Variants in RFX4 observed in about 807,000 individuals in gnomAD.
RFX4 encodes transcription factor RFX4.
RFX4 carries 10 observed loss-of-function variants against 95.0 expected under a neutral mutation model. The ratio of observed to expected loss-of-function variants is 0.11; its 90% CI spans 0.06 to 0.18. The LOEUF is 0.18. RFX4 is among the 10% of genes least tolerant of loss of function. The pLI, the probability that RFX4 is intolerant of heterozygous loss-of-function variation, is 1.00. For missense variants in RFX4, 640 were observed against 922.0 expected (o/e 0.69, Z 3.96); for synonymous variants, 321 against 340.7 (o/e 0.94, Z 0.64).
intron 17 of RFX4, among the ~76,000 whole-genome samples, chr12:106,757,270 C>T (rs191480988): frequency 1.6e-3 from 244 of 152,302 alleles, no homozygotes; most frequent in Admixed American, 4.6e-3. Flanking sequence ...TGGTGGCTCA[C>T]ACTTGTAATC....
chr12:106,619,272 G>A (rs1210067345), intron 2 of RFX4, among the ~76,000 whole-genome samples: 1 of 151,984 alleles, frequency 6.6e-6, no homozygotes, highest in Non-Finnish European at 1.5e-5. Flanking sequence ...ATCATACTGT[G>A]TAGTATACTG....
rs748685914 is a variant in RFX4 at position 106,750,807 on chromosome 12, C to G, written c.1935+14C>G. ...AGCTCTGCACAGGTGAGTCAGTGGT[C>G]CTGGTTTCTTGGCCAGGCCTTGGTA... On this transcript the variant is annotated intron_variant, in intron 17 of 17. Transcript: ENST00000392842. 1.3e-6 allele frequency: 2 copies of G among 1,533,450 alleles called. No homozygotes were observed. The highest frequency in any genetic ancestry group is 2.6e-5 in the South Asian group (2 of 75,972). 95.0% of individuals were successfully genotyped at this position (1,533,450 alleles called of 1,614,324 possible).
At chr12:106,700,588 AGT>A (rs2137464116) in intron 8 of RFX4, among the ~76,000 whole-genome samples, 1 of 150,942 alleles carries the variant, frequency 6.6e-6, no homozygotes, top group African/African-American at 2.4e-5. Context: ...TTGTATTTTT[AGT>A]AGAGACGGGG....
chr12:106,628,804 G>A (rs2040357465), intron 2 of RFX4, among the ~76,000 whole-genome samples: 1 of 145,966 alleles, frequency 6.9e-6, no homozygotes, highest in Non-Finnish European at 1.5e-5. Flanking sequence ...CTCTGTCACA[G>A]GCTGGAATGC....
At chr12:106,640,906 T>C (rs1308560277) in intron 3 of RFX4, among the ~76,000 whole-genome samples, 3 of 150,426 alleles carry the variant, frequency 2.0e-5, no homozygotes, top group Non-Finnish European at 4.4e-5. Context: ...TCAGCCTCCC[T>C]ACTAGCTGGG....
At chr12:106,703,172 C>T (rs1047495035) in intron 8 of RFX4, among the ~76,000 whole-genome samples, 1 of 152,170 alleles carries the variant, frequency 6.6e-6, no homozygotes, top group African/African-American at 2.4e-5. Flanking sequence ...ATTGGAGGTG[C>T]CTTTCTTTCC....
chr12:106,710,928 C>A (rs1180464010), intron 9 of RFX4, among the ~76,000 whole-genome samples: 1 of 152,178 alleles, frequency 6.6e-6, no homozygotes, highest in Non-Finnish European at 1.5e-5. Flanking sequence ...AACATGCAAA[C>A]AGGTCATGGA....
At chr12:106,736,330 A>T (rs1444927157) in intron 15 of RFX4, among the ~76,000 whole-genome samples, 1 of 152,134 alleles carries the variant, frequency 6.6e-6, no homozygotes. Flanking sequence ...TATCTCTTGG[A>T]AACTTATTAG....
At chr12:106,679,015 G>A (rs971666632) in intron 4 of RFX4, among the ~76,000 whole-genome samples, 3 of 152,074 alleles carry the variant, frequency 2.0e-5, no homozygotes, top group Non-Finnish European at 4.4e-5. Context: ...GTACTTTATG[G>A]CTTCCTATGT....
At chr12:106,643,921 C>A (rs1232342535) in intron 3 of RFX4, among the ~76,000 whole-genome samples, 1 of 152,150 alleles carries the variant, frequency 6.6e-6, no homozygotes, top group East Asian at 1.9e-4. Flanking sequence ...CATGTGTGCA[C>A]TTGTGTGTAT....
At position 106,686,835 on chromosome 12, in the gene RFX4, CTCTCT is replaced by C. The variant is rs764343746; in HGVS notation, c.378-47_378-43del. 8.2e-4 allele frequency: 1,237 copies of C among 1,509,262 alleles called. 3 individuals are homozygous for C. The African/African-American group carries it at 0.019, about 23-fold the overall frequency. 93.5% of individuals were successfully genotyped at this position (1,509,262 alleles called of 1,614,324 possible). A position where few individuals can be genotyped will look rare whatever the true frequency, so the allele number is the denominator to read the frequency against. On this transcript the variant is annotated intron_variant, in intron 5 of 17. Coordinates refer to ENST00000392842, the MANE Select transcript of RFX4 (RefSeq NM_213594.3). Reference sequence around the variant, plus strand: ...ACTTAATAACAGTGCATGTGGGTCTCTCTCTTTTTTTTTTTTTCTCTCTCTCCCTC... The same window carrying C: ...ACTTAATAACAGTGCATGTGGGTCTCTTTTTTTTTTTTCTCTCTCTCCCTC...
intron 4 of RFX4, among the ~76,000 whole-genome samples, chr12:106,658,283 T>C (rs997104761): frequency 7.9e-5 from 12 of 152,300 alleles, no homozygotes; most frequent in Middle Eastern, 3.4e-3. Flanking sequence ...AATGAACTTA[T>C]TGAGGTACAC....
At position 106,709,093 on chromosome 12, in the gene RFX4, ACCAAG is replaced by A. The variant is rs528891825; in HGVS notation, c.834-234_834-230del. On this transcript the variant is annotated intron_variant, in intron 8 of 17. Coordinates refer to ENST00000392842, the MANE Select transcript of RFX4 (RefSeq NM_213594.3). ...TTGCATCTAAATAGTTCTGGATGCC[ACCAAG>A]CCTTGCAGTGGCCATCAGTGACCAG... Among the ~76,000 whole-genome samples the A allele has an allele frequency of 1.9e-3, 297 of 152,308 alleles. 4 individuals carry two copies. Among genetic ancestry groups the A allele is most frequent in the African/African-American group, 6.8e-3 (282 of 41,570 alleles).
intron 1 of RFX4, among the ~76,000 whole-genome samples, chr12:106,608,228 T>G (rs2039879330): frequency 6.6e-6 from 1 of 152,150 alleles, no homozygotes; most frequent in South Asian, 2.1e-4. Context: ...GCTACCATAG[T>G]GCTTTTGATT....
intron 3 of RFX4, among the ~76,000 whole-genome samples, chr12:106,649,512 CTG>C (rs2137307183): frequency 6.6e-6 from 1 of 152,338 alleles, no homozygotes; most frequent in Non-Finnish European, 1.5e-5. Context: ...TGACAGGTAA[CTG>C]TTTAATTAGC....
At chr12:106,649,030 C>T (rs1309939710) in intron 3 of RFX4, among the ~76,000 whole-genome samples, 1 of 151,732 alleles carries the variant, frequency 6.6e-6, no homozygotes, top group Non-Finnish European at 1.5e-5. Context: ...AGGATAGGCT[C>T]AATTCAAATA....
At chr12:106,665,829 C>T (rs1396051071) in intron 4 of RFX4, among the ~76,000 whole-genome samples, 1 of 151,786 alleles carries the variant, frequency 6.6e-6, no homozygotes, top group Non-Finnish European at 1.5e-5. Flanking sequence ...TGCACACATA[C>T]TTATGTATGT....
chr12:106,619,699 G>A (rs966072864), intron 2 of RFX4, among the ~76,000 whole-genome samples: 1 of 152,034 alleles, frequency 6.6e-6, no homozygotes, highest in Non-Finnish European at 1.5e-5. Context: ...TCATCTTCTG[G>A]AGCTGCAGTT....
At chr12:106,684,652 C>T in intron 5 of RFX4, 8 of 1,427,458 alleles carry the variant, frequency 5.6e-6, no homozygotes, top group Non-Finnish European at 7.4e-6. Flanking sequence ...TCATAACTGT[C>T]ATCCCACCTG....
Sources: gnomAD v4.1 joint callset for allele counts (sites outside exome capture counted in the v4.1 genomes callset) on GRCh38, gnomAD v4.1.1 for gene constraint, MANE v1.5 for transcripts, NCBI Gene and HGNC (gene_info 2026-07-23, HGNC 2026-07-21) for gene names.